Variants in CDKN2B-AS1 observed in about 807,000 individuals in gnomAD.
The protein encoded by CDKN2B-AS1 is CDKN2B antisense RNA 1 (non-protein coding).
At chr9:22,094,852 G>A (rs1223901672) in intron 4 of CDKN2B-AS1, among the ~76,000 whole-genome samples, 1 of 144,094 alleles carries the variant, frequency 6.9e-6, no homozygotes, top group African/African-American at 2.9e-5. Context: ...TCCATTGCTG[G>A]TGAGGAGCTG....
chr9:22,060,121 A>G (rs541202401), intron 4 of CDKN2B-AS1, among the ~76,000 whole-genome samples: 2 of 152,282 alleles, frequency 1.3e-5, no homozygotes, highest in African/African-American at 4.8e-5. Flanking sequence ...GCCCCATGCT[A>G]CTTATGCAAA....
intron 1 of CDKN2B-AS1, chr9:22,003,006 G>A (rs1014143537): frequency 1.5e-5 from 3 of 203,042 alleles, no homozygotes; most frequent in Admixed American, 6.0e-5. Context: ...GTTTAGATAC[G>A]AACTTAACAG....
Position 22,039,667 on chromosome 9 carries a change from A to G in CDKN2B-AS1, n.30-7084A>G, listed in dbSNP as rs1259912570. ...TCTTAAAAAAACAGATTATAGTAAG[A>G]AGTGGCTGAGCAATTAGCTATGGCA... On this transcript the variant is annotated intron_variant and non_coding_transcript_variant, in intron 1 of 4. Coordinates refer to ENST00000650946, the Ensembl canonical transcript of CDKN2B-AS1. This position sits in a 1 kb window ranked among gnomAD's most constrained non-coding sequence, Gnocchi z 4.4. Among the ~76,000 whole-genome samples the G allele has an allele frequency of 6.6e-6, 1 of 151,994 alleles. No individual in the cohort carries two copies. The highest frequency in any genetic ancestry group is 2.4e-5 in the African/African-American group (1 of 41,400).
chr9:22,098,648 CT>C (rs1398704121), intron 4 of CDKN2B-AS1, among the ~76,000 whole-genome samples: 3 of 152,142 alleles, frequency 2.0e-5, no homozygotes, highest in Non-Finnish European at 4.4e-5. Context: ...ACTTCAGACA[CT>C]TTCTCTCATT....
At chr9:22,029,710 C>G in intron 1 of CDKN2B-AS1, 1 of 429,768 alleles carries the variant, frequency 2.3e-6, no homozygotes, top group Non-Finnish European at 4.1e-6. Context: ...TTTTGATGAC[C>G]TGTTTTCAAA....
intron 3 of CDKN2B-AS1, among the ~76,000 whole-genome samples, chr9:22,051,875 A>G (rs200603559): frequency 9.3e-5 from 14 of 149,946 alleles, no homozygotes; most frequent in Admixed American, 3.3e-4. Flanking sequence ...TTAGACGTAT[A>G]CATTTAAAGG....
intron 1 of CDKN2B-AS1, among the ~76,000 whole-genome samples, chr9:22,043,363 T>TC (rs1270915276): frequency 5.3e-5 from 8 of 152,042 alleles, no homozygotes; most frequent in Admixed American, 1.3e-4. Flanking sequence ...TTAAGGCTTT[T>TC]CCACATTCGC....
chr9:22,116,849 T>C lies in CDKN2B-AS1; in HGVS notation n.439-10254T>C, dbSNP rs373381915. On this transcript the variant is annotated intron_variant and non_coding_transcript_variant, in intron 4 of 4. Transcript: ENST00000650946. Reference sequence around the variant, plus strand: ...GGAGAATGTCATAACTGTCCAGATGTAACCAAATAGTAAAACCATTCTTCC... The same window carrying C: ...GGAGAATGTCATAACTGTCCAGATGCAACCAAATAGTAAAACCATTCTTCC... Among the ~76,000 whole-genome samples the C allele has an allele frequency of 2.0e-3, 299 of 152,328 alleles. 15 individuals carry two copies. The South Asian group carries it at 0.061, about 31-fold the overall frequency.
At chr9:22,055,374 G>A (rs889700734) in intron 3 of CDKN2B-AS1, among the ~76,000 whole-genome samples, 1 of 152,086 alleles carries the variant, frequency 6.6e-6, no homozygotes, top group Non-Finnish European at 1.5e-5. Context: ...TTAGTTTTAG[G>A]TTCAGGGATA....
intron 4 of CDKN2B-AS1, among the ~76,000 whole-genome samples, chr9:22,082,624 G>C (rs1323046647): frequency 6.6e-6 from 1 of 152,192 alleles, no homozygotes; most frequent in Non-Finnish European, 1.5e-5. Flanking sequence ...TAAGCTTTAA[G>C]TACTGGCTAG....
intron 4 of CDKN2B-AS1, among the ~76,000 whole-genome samples, chr9:22,124,770 A>G (rs1238067119): frequency 6.6e-6 from 1 of 152,214 alleles, no homozygotes; most frequent in Non-Finnish European, 1.5e-5. Context: ...AGAATGTGAT[A>G]CCATTGTTTA....
intron 4 of CDKN2B-AS1, among the ~76,000 whole-genome samples, chr9:22,073,870 T>TC (rs1226691064): frequency 5.9e-5 from 9 of 151,720 alleles, no homozygotes; most frequent in Non-Finnish European, 1.5e-5. Flanking sequence ...CTAGATAATT[T>TC]TTTTTTTTTT....
intron 1 of CDKN2B-AS1, among the ~76,000 whole-genome samples, chr9:22,010,745 G>T (rs953985435): frequency 6.6e-6 from 1 of 152,066 alleles, no homozygotes; most frequent in Admixed American, 6.6e-5. Flanking sequence ...CCATTTCCTA[G>T]TCTTCAGTTT....
chr9:22,012,237 C>T lies in CDKN2B-AS1; in HGVS notation n.29+17076C>T, dbSNP rs16935754. 482 of 1,419,442 alleles carry T rather than the reference C, an allele frequency of 3.4e-4. 8 individuals are homozygous for T. In the African/African-American group the frequency reaches 5.4e-3, roughly 16 times the overall value. 87.9% of individuals were successfully genotyped at this position (1,419,442 alleles called of 1,614,324 possible). On this transcript the variant is annotated intron_variant and non_coding_transcript_variant, in intron 1 of 4. Transcript: ENST00000650946. ...AGTGACACCATTGAGAATGTCAGTGCGAAAATTCAAGACAAGGAGGGTATC... is the reference window on the plus strand; with the variant it reads ...AGTGACACCATTGAGAATGTCAGTGTGAAAATTCAAGACAAGGAGGGTATC...
intron 4 of CDKN2B-AS1, among the ~76,000 whole-genome samples, chr9:22,105,099 G>T (rs1042568079): frequency 6.6e-6 from 1 of 152,174 alleles, no homozygotes; most frequent in Admixed American, 6.6e-5. Flanking sequence ...AAAGATGATT[G>T]AAACTGCAAC....
intron 4 of CDKN2B-AS1, among the ~76,000 whole-genome samples, chr9:22,081,089 A>T (rs985403079): frequency 6.6e-6 from 1 of 152,194 alleles, no homozygotes; most frequent in Non-Finnish European, 1.5e-5. Context: ...TAAAAATACA[A>T]TTAGGTCCAT....
At chr9:22,015,741 A>T (rs1821724059) in intron 1 of CDKN2B-AS1, among the ~76,000 whole-genome samples, 1 of 152,180 alleles carries the variant, frequency 6.6e-6, no homozygotes, top group Non-Finnish European at 1.5e-5. Context: ...GCACCGACTA[A>T]CTCATCATCT....
intron 3 of CDKN2B-AS1, among the ~76,000 whole-genome samples, chr9:22,052,866 G>GC (rs1215870083): frequency 6.6e-6 from 1 of 152,186 alleles, no homozygotes; most frequent in Non-Finnish European, 1.5e-5. Context: ...ACACCACAAA[G>GC]CCCCATGCTG....
intron 4 of CDKN2B-AS1, among the ~76,000 whole-genome samples, chr9:22,091,419 G>A (rs139219011): frequency 2.0e-5 from 3 of 152,184 alleles, no homozygotes; most frequent in Non-Finnish European, 4.4e-5. Context: ...ACTTTGGGCA[G>A]TATGGCCATT....
Sources: allele counts gnomAD v4.1 joint callset (sites outside exome capture counted in the v4.1 genomes callset), GRCh38; gene constraint gnomAD v4.1.1; non-coding constraint Gnocchi (gnomAD v3.1); transcripts MANE v1.5; gene names NCBI Gene and HGNC (gene_info 2026-07-23, HGNC 2026-07-21).